KIAA0825: variants seen among roughly 807,000 people sequenced by gnomAD.
KIAA0825 encodes the protein uncharacterized protein KIAA0825.
KIAA0825 carries 119 observed loss-of-function variants against 147.6 expected under a neutral mutation model. That is an observed-to-expected ratio of 0.81 (90% CI 0.69 to 0.94). The LOEUF (loss-of-function observed/expected upper bound fraction) is 0.94. KIAA0825 is among the 40% of genes least tolerant of loss of function. The pLI, the probability that KIAA0825 is intolerant of heterozygous loss-of-function variation, is 0.00. For synonymous variants in KIAA0825, 470 were observed against 518.1 expected, an observed-to-expected ratio of 0.91 and a Z score of 1.26; for missense variants, 1,381 against 1,472.7, an observed-to-expected ratio of 0.94 and a Z score of 1.02.
chr5:94,271,363 C>T (rs1376662495), intron 20 of KIAA0825, among the ~76,000 whole-genome samples: 1 of 152,104 alleles, frequency 6.6e-6, no homozygotes, highest in African/African-American at 2.4e-5. Flanking sequence ...TTTCAAACTA[C>T]CTATCTAACA....
At chr5:94,158,158 C>T (rs537888445) in intron 20 of KIAA0825, among the ~76,000 whole-genome samples, 4 of 152,220 alleles carry the variant, frequency 2.6e-5, no homozygotes, top group African/African-American at 7.2e-5. Context: ...CTTGGTGCTT[C>T]GGGGTTCTTT....
chr5:94,390,334 C>A (rs1241765114), intron 18 of KIAA0825, among the ~76,000 whole-genome samples: 1 of 152,196 alleles, frequency 6.6e-6, no homozygotes, highest in East Asian at 1.9e-4. Flanking sequence ...GTAGTTGTCA[C>A]AATTACTTTG....
At chr5:94,368,393 G>A (rs936789475) in intron 20 of KIAA0825, among the ~76,000 whole-genome samples, 2 of 152,036 alleles carry the variant, frequency 1.3e-5, no homozygotes, top group East Asian at 1.9e-4. Flanking sequence ...GGCTAGTCTC[G>A]AACTCCTAGG....
At chr5:94,165,707 G>A (rs989116644) in intron 20 of KIAA0825, among the ~76,000 whole-genome samples, 2 of 152,152 alleles carry the variant, frequency 1.3e-5, no homozygotes, top group Non-Finnish European at 2.9e-5. Flanking sequence ...GCAACAGCAC[G>A]GATGGAACTG....
At chr5:94,399,136 T>C (rs1286369877) in intron 16 of KIAA0825, among the ~76,000 whole-genome samples, 1 of 152,170 alleles carries the variant, frequency 6.6e-6, no homozygotes, top group Non-Finnish European at 1.5e-5. Flanking sequence ...AGTTGCTCAA[T>C]AAATGTTTTC....
In KIAA0825 at chr5:94,417,067, T is replaced by C. The variant is rs780693016; in HGVS notation, c.2662+134A>G. On this transcript the variant is annotated intron_variant, in intron 15 of 20. Coordinates refer to ENST00000682413, the MANE Select transcript of KIAA0825 (RefSeq NM_001145678.3). ...TGATTCCCAACAGAAGGCTTTATAC[T>C]GAAAAAATGTAAGGTAAACTTTCAC... is the stretch of plus-strand genomic sequence containing the variant. The C allele has an allele frequency of 4.7e-5, 38 of 807,200 alleles. No homozygotes were observed. The African/African-American group carries it at 5.5e-4, about 12-fold the overall frequency. 50.0% of individuals were successfully genotyped at this position (807,200 alleles called of 1,614,324 possible). A position where few individuals can be genotyped will look rare whatever the true frequency, so the allele number is the denominator to read the frequency against.
intron 1 of KIAA0825, among the ~76,000 whole-genome samples, chr5:94,611,186 A>G (rs1788698820): frequency 6.6e-6 from 1 of 152,204 alleles, no homozygotes; most frequent in African/African-American, 2.4e-5. Context: ...AGCCTTTTCC[A>G]GGAAGCATGA....
intron 1 of KIAA0825, 25 bp from the exon 2 acceptor site, chr5:94,582,608 T>A (rs1782405665): frequency 6.6e-6 from 1 of 152,134 alleles, no homozygotes; most frequent in African/African-American, 2.4e-5. Context: ...CATAAAGCTT[T>A]ATCACTGCCA....
chr5:94,159,830 A>T (rs1014951428), intron 20 of KIAA0825, among the ~76,000 whole-genome samples: 7 of 152,208 alleles, frequency 4.6e-5, no homozygotes, highest in African/African-American at 1.7e-4. Flanking sequence ...GAATATAAAA[A>T]TGTAACTTAA....
chr5:94,258,285 TA>T (rs1776340004), intron 20 of KIAA0825, among the ~76,000 whole-genome samples: 1 of 152,024 alleles, frequency 6.6e-6, no homozygotes, highest in African/African-American at 2.4e-5. Flanking sequence ...TTTTTATCAT[TA>T]ACAAAACTGA....
chr5:94,280,424 T>G (rs1164574201), intron 20 of KIAA0825, among the ~76,000 whole-genome samples: 3 of 152,114 alleles, frequency 2.0e-5, no homozygotes, highest in African/African-American at 7.2e-5. Flanking sequence ...AATTCAGTAT[T>G]CATCTATCAT....
intron 20 of KIAA0825, among the ~76,000 whole-genome samples, chr5:94,376,559 C>T (rs899324128): frequency 1.1e-4 from 16 of 152,186 alleles, no homozygotes; most frequent in African/African-American, 3.9e-4. Flanking sequence ...TTCTGAGGAT[C>T]AGATTGTCAA....
Position 94,461,674 on chromosome 5 carries a change from A to G in KIAA0825, c.2246+713T>C, listed in dbSNP as rs185871593. 2.6e-4 allele frequency among the ~76,000 whole-genome samples: 39 copies of G among 152,038 alleles called. No individual in the cohort carries two copies. The East Asian group carries it at 6.4e-3, about 25-fold the overall frequency. On this transcript the variant is annotated intron_variant, in intron 12 of 20. Coordinates refer to ENST00000682413, the MANE Select transcript of KIAA0825 (RefSeq NM_001145678.3). ...AAATTAAGATTTGTATGTCGCTTTTACCAGAATGTTATGCAAAGAAACACT... is the reference window on the plus strand; with the variant it reads ...AAATTAAGATTTGTATGTCGCTTTTGCCAGAATGTTATGCAAAGAAACACT...
chr5:94,467,725 G>A (rs567639250), intron 10 of KIAA0825, among the ~76,000 whole-genome samples: 11 of 152,280 alleles, frequency 7.2e-5, no homozygotes, highest in Admixed American at 2.6e-4. Context: ...TATGCTCTGC[G>A]CATGGCGATA....
intron 5 of KIAA0825, among the ~76,000 whole-genome samples, chr5:94,496,475 T>C (rs1174020748): frequency 6.6e-6 from 1 of 152,176 alleles, no homozygotes; most frequent in Non-Finnish European, 1.5e-5. Context: ...AGAACAGTTA[T>C]AGATTACTGA....
At chr5:94,261,699 T>C (rs1003034692) in intron 20 of KIAA0825, among the ~76,000 whole-genome samples, 3 of 152,286 alleles carry the variant, frequency 2.0e-5, no homozygotes, top group East Asian at 1.9e-4. Flanking sequence ...ATCTATACTG[T>C]TGTCCAAACC....
intron 12 of KIAA0825, among the ~76,000 whole-genome samples, chr5:94,454,595 A>G: frequency 6.6e-6 from 1 of 152,226 alleles, no homozygotes; most frequent in Non-Finnish European, 1.5e-5. Context: ...TGTGAGCTAG[A>G]GAAGTAGGCA....
intron 5 of KIAA0825, among the ~76,000 whole-genome samples, chr5:94,487,325 C>T (rs1238831046): frequency 6.6e-6 from 1 of 152,148 alleles, no homozygotes; most frequent in Non-Finnish European, 1.5e-5. Flanking sequence ...ATTAGCAGTC[C>T]TTATTTCCTA....
Position 94,152,856 on chromosome 5 carries a change from TTATATA to T in KIAA0825, c.*1145_*1150del, listed in dbSNP as rs1175360792. 12 of 2,770 alleles carry T rather than the reference TTATATA, an allele frequency of 4.3e-3. No individual in the cohort carries two copies. The highest frequency in any genetic ancestry group is 9.5e-3 in the African/African-American group (9 of 950). The allele number at this position is 2,770 out of a possible 1,614,324, so 0.2% of individuals were successfully genotyped here. On this transcript the variant is annotated 3_prime_UTR_variant, in exon 21 of 21. Transcript: ENST00000682413. ...AAAAAAAAAAAAAAAAAAAAAAAAA[TTATATA>T]TATATATATATATATATATATATAT... is the stretch of plus-strand genomic sequence containing the variant.
Sources: allele counts gnomAD v4.1 joint callset (sites outside exome capture counted in the v4.1 genomes callset), GRCh38; gene constraint gnomAD v4.1.1; transcripts MANE v1.5; gene names NCBI Gene and HGNC (gene_info 2026-07-23, HGNC 2026-07-21).